Variants in CHIC2 observed in about 807,000 individuals in gnomAD.
CHIC2 encodes the protein cysteine rich hydrophobic domain 2, also known as cysteine-rich hydrophobic domain-containing protein 2.
In CHIC2, 14 loss-of-function variants were observed where a neutral mutation model predicts 25.9. The ratio of observed to expected loss-of-function variants is 0.54; its 90% CI spans 0.36 to 0.85. The LOEUF is 0.85. Ranked by LOEUF, CHIC2 falls within the 40% of genes least tolerant of loss-of-function variation. The probability of loss-of-function intolerance (pLI) is 0.01; values close to 1 mark genes in which losing one functional copy is unlikely to be tolerated. For synonymous variants in CHIC2, 70 were observed against 72.0 expected (o/e 0.97, Z 0.14); for missense variants, 146 against 202.0 (o/e 0.72, Z 1.68).
intron 1 of CHIC2, among the ~76,000 whole-genome samples, chr4:54,057,239 G>A (rs1717204231): frequency 6.6e-6 from 1 of 152,074 alleles, no homozygotes; most frequent in Admixed American, 6.5e-5. Context: ...CAACACCCTA[G>A]CTGGGGCCAC....
intron 3 of CHIC2, among the ~76,000 whole-genome samples, chr4:54,045,666 A>C (rs1421766793): frequency 6.6e-6 from 1 of 151,976 alleles, no homozygotes; most frequent in Non-Finnish European, 1.5e-5. Context: ...AATAAGAGCT[A>C]TCTATGACAA....
chr4:54,042,866 G>T (rs1157170744), intron 3 of CHIC2, among the ~76,000 whole-genome samples: 2 of 152,148 alleles, frequency 1.3e-5, no homozygotes, highest in Non-Finnish European at 2.9e-5. Context: ...TCAATAGAAT[G>T]TACCAGTTTA....
intron 1 of CHIC2, among the ~76,000 whole-genome samples, chr4:54,056,390 A>C (rs1214081292): frequency 6.6e-6 from 1 of 152,188 alleles, no homozygotes; most frequent in African/African-American, 2.4e-5. Flanking sequence ...TAATGATGCT[A>C]AATTATGTTC....
chr4:54,030,559 C>CAT (rs1716196137), intron 3 of CHIC2, among the ~76,000 whole-genome samples: 2 of 125,738 alleles, frequency 1.6e-5, no homozygotes, highest in Admixed American at 7.6e-5. Context: ...TATGTATACA[C>CAT]ACACACACAC....
the CHIC2 span, among the ~76,000 whole-genome samples, chr4:54,072,805 G>A: frequency 6.6e-6 from 1 of 152,178 alleles, no homozygotes; most frequent in Non-Finnish European, 1.5e-5. Context: ...GGGCGTGGTG[G>A]CTCATGCCGG....
chr4:54,073,577 A>G, the CHIC2 span, among the ~76,000 whole-genome samples: 1 of 152,112 alleles, frequency 6.6e-6, no homozygotes, highest in Non-Finnish European at 1.5e-5. Context: ...CCACCCTAAA[A>G]TTGGATCCTC....
the CHIC2 span, among the ~76,000 whole-genome samples, chr4:54,084,443 G>A: frequency 1.2e-4 from 18 of 151,846 alleles, no homozygotes; most frequent in East Asian, 2.5e-3. Flanking sequence ...GATTATATTA[G>A]GCCCATATTG....
At chr4:54,028,941 G>A (rs1298081691) in intron 3 of CHIC2, among the ~76,000 whole-genome samples, 1 of 152,084 alleles carries the variant, frequency 6.6e-6, no homozygotes, top group East Asian at 1.9e-4. Flanking sequence ...TGGCCAACAT[G>A]GTGAAACCCC....
At chr4:54,034,664 T>C (rs1208986211) in intron 3 of CHIC2, among the ~76,000 whole-genome samples, 1 of 152,230 alleles carries the variant, frequency 6.6e-6, no homozygotes, top group African/African-American at 2.4e-5. Context: ...TTAAAGATTC[T>C]ATTGAATTTT....
rs149831640 is a variant in CHIC2 at position 54,010,265 on chromosome 4, A to G, written c.448-120T>C. ...TTCACATTTTAAAACGCAACTTTGC[A>G]TTACTAAAACAGATCTTTATCTGAT... On this transcript the variant is annotated intron_variant, in intron 5 of 5. Coordinates refer to ENST00000263921, the MANE Select transcript of CHIC2 (RefSeq NM_012110.4). The G allele has an allele frequency of 3.8e-4, 249 of 659,172 alleles. 4 individuals carry two copies. Among genetic ancestry groups the G allele is most frequent in the Admixed American group, 3.3e-3 (127 of 38,118 alleles). The allele number at this position is 659,172 out of a possible 1,614,324, so 40.8% of individuals were successfully genotyped here. A position where few individuals can be genotyped will look rare whatever the true frequency, so the allele number is the denominator to read the frequency against.
At chr4:54,061,562 T>A (rs1233918620) in intron 1 of CHIC2, among the ~76,000 whole-genome samples, 4 of 152,094 alleles carry the variant, frequency 2.6e-5, no homozygotes, top group Non-Finnish European at 5.9e-5. Context: ...TTAGCCAGTC[T>A]TACTACAACT....
chr4:54,086,917 A>C, the CHIC2 span: 2 of 636,152 alleles, frequency 3.1e-6, no homozygotes, highest in Non-Finnish European at 5.7e-6. Flanking sequence ...TTGGAATAAA[A>C]AGGGTTGAAT....
intron 3 of CHIC2, among the ~76,000 whole-genome samples, chr4:54,017,723 C>T (rs953411551): frequency 2.0e-5 from 3 of 152,074 alleles, no homozygotes; most frequent in Non-Finnish European, 2.9e-5. Flanking sequence ...GTGTGAATGG[C>T]GTCATGTTAC....
At chr4:54,053,957 A>G (rs1717089322) in intron 1 of CHIC2, among the ~76,000 whole-genome samples, 1 of 151,968 alleles carries the variant, frequency 6.6e-6, no homozygotes, top group African/African-American at 2.4e-5. Flanking sequence ...TGCTGGGCTA[A>G]TTTTTGTATT....
intron 3 of CHIC2, among the ~76,000 whole-genome samples, chr4:54,033,105 G>A (rs1716284031): frequency 6.6e-6 from 1 of 152,296 alleles, no homozygotes; most frequent in South Asian, 2.1e-4. Context: ...CTGAGCAGAT[G>A]CCAGTGCCAT....
chr4:54,067,019 C>A (rs1246906590), upstream of CHIC2, among the ~76,000 whole-genome samples: 1 of 152,154 alleles, frequency 6.6e-6, no homozygotes, highest in Non-Finnish European at 1.5e-5. Context: ...ACTCCAGCAC[C>A]TTCCACAGTT....
At chr4:54,043,453 A>G (rs890347686) in intron 3 of CHIC2, among the ~76,000 whole-genome samples, 7 of 151,518 alleles carry the variant, frequency 4.6e-5, no homozygotes, top group African/African-American at 1.7e-4. Flanking sequence ...ACACTTGATC[A>G]CTTGGCAGAA....
At chr4:54,066,085 G>A (rs767782037), upstream of CHIC2, among the ~76,000 whole-genome samples, 9 of 152,196 alleles carry the variant, frequency 5.9e-5, no homozygotes, top group African/African-American at 2.2e-4. Flanking sequence ...TCTGCCAGGG[G>A]CTCATGGAGG....
intron 3 of CHIC2, among the ~76,000 whole-genome samples, chr4:54,025,338 G>GATT (rs1353290376): frequency 6.6e-6 from 1 of 151,916 alleles, no homozygotes; most frequent in Non-Finnish European, 1.5e-5. Flanking sequence ...CCACCCTTGA[G>GATT]AATGTACTTT....
Sources: gnomAD v4.1 joint callset for allele counts (sites outside exome capture counted in the v4.1 genomes callset) on GRCh38, gnomAD v4.1.1 for gene constraint, MANE v1.5 for transcripts, NCBI Gene and HGNC (gene_info 2026-07-23, HGNC 2026-07-21) for gene names.